The following CCNY variants were observed in gnomAD, a reference collection of about 807,000 sequenced individuals.
CCNY encodes cyclin-Y.
A neutral mutation model predicts 42.8 loss-of-function variants in CCNY; 19 were observed. The observed-to-expected ratio is 0.44, with a 90% CI of 0.31 to 0.65. The LOEUF (loss-of-function observed/expected upper bound fraction) is 0.65, where lower values mean the gene tolerates loss of function less well. CCNY is among the 30% of genes least tolerant of loss of function. The probability of loss-of-function intolerance (pLI) is 0.07; values close to 1 mark genes in which losing one functional copy is unlikely to be tolerated. For missense variants in CCNY, 370 were observed against 437.3 expected, an observed-to-expected ratio of 0.85 and a Z score of 1.37; for synonymous variants, 165 against 162.7, an observed-to-expected ratio of 1.01 and a Z score of -0.11.
At chr10:35,386,186 A>G (rs547911372) in intron 1 of CCNY, among the ~76,000 whole-genome samples, 4 of 152,210 alleles carry the variant, frequency 2.6e-5, no homozygotes, top group Non-Finnish European at 5.9e-5. Flanking sequence ...GAGAAGTCAT[A>G]CATTACATTC....
chr10:35,313,433 G>A (rs113837256), intron 3 of CCNY, among the ~76,000 whole-genome samples: 28 of 152,104 alleles, frequency 1.8e-4, no homozygotes, highest in African/African-American at 6.5e-4. Flanking sequence ...GTCTCTTTGC[G>A]CATGTAACTG....
At chr10:35,493,623 C>T (rs566136028) in intron 2 of CCNY, among the ~76,000 whole-genome samples, 3 of 152,284 alleles carry the variant, frequency 2.0e-5, no homozygotes, top group South Asian at 2.1e-4. Context: ...CTGAAGATAG[C>T]GATCCTCTGG....
chr10:35,569,085 A>G lies in CCNY; in HGVS notation c.941A>G (p.Lys314Arg). ...TCTCGCCTCTGCGAGGACAAGTACA[A>G]GGACCTAAGAAGATCCGCGAGGAAG... ...AISRLCEDKY[K>R]DLRRSARKRS... The change falls in exon 10 of 10, where the codon AAG becomes AGG. Residue 314 changes from lysine (K) to arginine (R), a missense_variant. Coordinates refer to ENST00000374704, the MANE Select transcript of CCNY (RefSeq NM_145012.6). 6.2e-7 allele frequency: 1 copy of G among 1,613,068 alleles called. No individual in the cohort carries two copies.
intron 1 of CCNY, among the ~76,000 whole-genome samples, chr10:35,472,933 C>T (rs1839419156): frequency 1.3e-5 from 2 of 152,218 alleles, no homozygotes; most frequent in East Asian, 3.9e-4. Flanking sequence ...TAATACCTAG[C>T]ATATAGTGGA....
chr10:35,459,817 C>T (rs1000249381), intron 1 of CCNY, among the ~76,000 whole-genome samples: 1 of 152,166 alleles, frequency 6.6e-6, no homozygotes, highest in African/African-American at 2.4e-5. Flanking sequence ...ACTGGATGAG[C>T]ACCTGCTTGG....
chr10:35,500,880 G>A (rs1840097186), intron 2 of CCNY, among the ~76,000 whole-genome samples: 1 of 151,624 alleles, frequency 6.6e-6, no homozygotes, highest in Non-Finnish European at 1.5e-5. Context: ...ATCAATTATG[G>A]TGACTGTTAG....
At chr10:35,519,216 G>A (rs1840493702) in intron 4 of CCNY, among the ~76,000 whole-genome samples, 2 of 151,742 alleles carry the variant, frequency 1.3e-5, no homozygotes, top group African/African-American at 4.8e-5. Flanking sequence ...CATACTGTGG[G>A]TATTTGGATT....
intron 3 of CCNY, among the ~76,000 whole-genome samples, chr10:35,290,222 T>TCACA (rs368209050): frequency 0.13 from 16,028 of 122,732 alleles, 1,137 homozygotes; most frequent in African/African-American, 0.18. Flanking sequence ...CAAGACTCCA[T>TCACA]CACACACACA....
intron 7 of CCNY, among the ~76,000 whole-genome samples, chr10:35,531,575 G>T (rs1222723598): frequency 6.6e-6 from 1 of 152,170 alleles, no homozygotes; most frequent in Non-Finnish European, 1.5e-5. Context: ...ACCAAAACAC[G>T]CAACAGGGCA....
intron 7 of CCNY, among the ~76,000 whole-genome samples, chr10:35,551,675 G>A (rs550940224): frequency 6.6e-6 from 1 of 152,114 alleles, no homozygotes; most frequent in Non-Finnish European, 1.5e-5. Context: ...TTCTTACCTC[G>A]TGGCCCAACT....
Position 35,566,010 on chromosome 10 carries a change from C to G in CCNY, c.747-13C>G, listed in dbSNP as rs754374603. The G allele has an allele frequency of 3.7e-6, 6 of 1,607,968 alleles. No individual in the cohort carries two copies. The highest frequency in any genetic ancestry group is 5.1e-6 in the Non-Finnish European group (6 of 1,177,344). Reference sequence around the variant, plus strand: ...GCAGCTAAGCATAGGCTATTTTTGTCTTTGCTTTGCAGGAACGAGCTAGAG... The same window carrying G: ...GCAGCTAAGCATAGGCTATTTTTGTGTTTGCTTTGCAGGAACGAGCTAGAG... On this transcript the variant is annotated splice_polypyrimidine_tract_variant and intron_variant, in intron 8 of 9. Coordinates refer to ENST00000374704, the MANE Select transcript of CCNY (RefSeq NM_145012.6).
chr10:35,515,352 A>G (rs966423473), intron 3 of CCNY, among the ~76,000 whole-genome samples: 1 of 152,208 alleles, frequency 6.6e-6, no homozygotes, highest in Admixed American at 6.5e-5. Context: ...ATCATTTGTT[A>G]TCTAGTTTTG....
At chr10:35,334,709 G>A (rs1028117441), upstream of CCNY, among the ~76,000 whole-genome samples, 10 of 152,194 alleles carry the variant, frequency 6.6e-5, no homozygotes, top group Admixed American at 2.6e-4. Flanking sequence ...CATTAATACA[G>A]TTGAGAGCAT....
At chr10:35,544,743 T>C (rs4934755) in intron 7 of CCNY, among the ~76,000 whole-genome samples, 43,966 of 152,066 alleles carry the variant, frequency 0.29, 6,644 homozygotes, top group Admixed American at 0.35. Flanking sequence ...TGAGCTGCTC[T>C]TACCTGTCCT....
chr10:35,486,263 C>T (rs935104978), intron 2 of CCNY, among the ~76,000 whole-genome samples: 6 of 152,142 alleles, frequency 3.9e-5, no homozygotes, highest in Non-Finnish European at 8.8e-5. Flanking sequence ...ATCATATTGG[C>T]GGCTTGAAAT....
At chr10:35,487,335 T>C (rs918890688) in intron 2 of CCNY, among the ~76,000 whole-genome samples, 1 of 152,160 alleles carries the variant, frequency 6.6e-6, no homozygotes, top group Non-Finnish European at 1.5e-5. Context: ...TAGATTTGAT[T>C]TGTGGATAGG....
chr10:35,396,807 C>G lies in CCNY; in HGVS notation c.154+59600C>G, dbSNP rs544033423. Among the ~76,000 whole-genome samples the G allele has an allele frequency of 1.3e-3, 199 of 152,332 alleles. 5 individuals are homozygous for G. In the South Asian group the frequency reaches 0.031, roughly 24 times the overall value. Reference sequence around the variant, plus strand: ...CCTGCAGTCCTCTTCGTGCTCTCCCCGTGAGGCTCCCAAGGCAGGATCTGG... The same window carrying G: ...CCTGCAGTCCTCTTCGTGCTCTCCCGGTGAGGCTCCCAAGGCAGGATCTGG... On this transcript the variant is annotated intron_variant, in intron 1 of 9. Transcript: ENST00000374704.
At chr10:35,492,872 G>A (rs1309320718) in intron 2 of CCNY, among the ~76,000 whole-genome samples, 1 of 152,190 alleles carries the variant, frequency 6.6e-6, no homozygotes, top group East Asian at 1.9e-4. Flanking sequence ...GGAGGATGTA[G>A]GTTTTTTTAG....
At chr10:35,418,776 G>T (rs577009868) in intron 1 of CCNY, among the ~76,000 whole-genome samples, 2 of 151,958 alleles carry the variant, frequency 1.3e-5, no homozygotes, top group Non-Finnish European at 2.9e-5. Context: ...TGATGTAGGC[G>T]GTTTCTTTCA....
Sources: allele counts gnomAD v4.1 joint callset (sites outside exome capture counted in the v4.1 genomes callset), GRCh38; gene constraint gnomAD v4.1.1; transcripts MANE v1.5; gene names NCBI Gene and HGNC (gene_info 2026-07-23, HGNC 2026-07-21).